The following MKRN1 variants were observed in gnomAD, a reference collection of about 807,000 sequenced individuals.
MKRN1 encodes the protein E3 ubiquitin-protein ligase makorin-1.
A neutral mutation model predicts 55.5 loss-of-function variants in MKRN1; 9 were observed. The ratio of observed to expected loss-of-function variants is 0.16; its 90% CI spans 0.10 to 0.28. The LOEUF is 0.28. MKRN1 is among the 10% of genes least tolerant of loss of function. MKRN1 has a pLI of 1.00. For synonymous variants in MKRN1, 253 were observed against 235.9 expected, an observed-to-expected ratio of 1.07 and a Z score of -0.66; for missense variants, 488 against 626.7, an observed-to-expected ratio of 0.78 and a Z score of 2.36.
Position 140,479,140 on chromosome 7 carries a change from T to C in MKRN1, c.185+20A>G, listed in dbSNP as rs1210440558. 11 of 1,313,658 alleles carry C rather than the reference T, an allele frequency of 8.4e-6. No homozygotes were observed. The African/African-American group carries it at 1.4e-4, about 17-fold the overall frequency. 81.4% of individuals were successfully genotyped at this position (1,313,658 alleles called of 1,614,324 possible). On this transcript the variant is annotated intron_variant, in intron 1 of 7. Transcript: ENST00000255977. ...GCGGCCCCCTCCCCGCGCCCGGCGC[T>C]CCGCCGCGCAACGTCCTACCTGCAG... is the stretch of plus-strand genomic sequence containing the variant.
chr7:140,469,195 G>T (rs866926219), intron 2 of MKRN1, among the ~76,000 whole-genome samples: 1 of 151,530 alleles, frequency 6.6e-6, no homozygotes, highest in Admixed American at 6.6e-5. Flanking sequence ...GCGTGGTGGC[G>T]GGCGCCTGTA....
intron 2 of MKRN1, among the ~76,000 whole-genome samples, chr7:140,469,781 G>C (rs939047482): frequency 6.6e-6 from 1 of 151,760 alleles, no homozygotes; most frequent in Non-Finnish European, 1.5e-5. Flanking sequence ...GGTGTGGGCC[G>C]GGCGCGGTGG....
chr7:140,462,132 A>C (rs1298529345), intron 2 of MKRN1, among the ~76,000 whole-genome samples: 1 of 152,148 alleles, frequency 6.6e-6, no homozygotes, highest in Non-Finnish European at 1.5e-5. Flanking sequence ...GGCTCAAGCA[A>C]TCCGTCTGCC....
In MKRN1 at chr7:140,458,434, C is replaced by T. The variant is rs182872507; in HGVS notation, c.771+573G>A. 1.0e-3 allele frequency among the ~76,000 whole-genome samples: 155 copies of T among 152,294 alleles called. 1 individual carries two copies. The highest frequency in any genetic ancestry group is 3.3e-3 in the African/African-American group (139 of 41,572). ...GGACCACATTACAGGATTCCATTTA[C>T]ATGAAATGTCCACAATAGGCCAATC... On this transcript the variant is annotated intron_variant, in intron 4 of 7. Coordinates refer to ENST00000255977, the MANE Select transcript of MKRN1 (RefSeq NM_013446.4).
intron 2 of MKRN1, among the ~76,000 whole-genome samples, chr7:140,470,901 A>G (rs535227442): frequency 6.6e-6 from 1 of 152,242 alleles, no homozygotes; most frequent in Non-Finnish European, 1.5e-5. Context: ...TGGGCAACAG[A>G]GGGACAAGAC....
Position 140,454,664 on chromosome 7 carries a change from G to A in MKRN1, c.1302C>T (p.Asn434=), listed in dbSNP as rs147839699. 3.8e-5 allele frequency: 62 copies of A among 1,613,932 alleles called. No homozygotes were observed. In the African/African-American group the frequency reaches 4.5e-4, roughly 12 times the overall value. Reference sequence around the variant, plus strand: ...CAAAGGTGACAACCTCTTCTTCATCGTTGTCAAAGGGGTTGCTGTTCTCTC... The same window carrying A: ...CAAAGGTGACAACCTCTTCTTCATCATTGTCAAAGGGGTTGCTGTTCTCTC... ...EERENSNPFD[N]DEEEVVTFEL... is the part of the protein sequence containing the mutation. The change falls in exon 8 of 8, where the codon AAC becomes AAT. Residue 434 remains asparagine (N), a synonymous_variant. Transcript: ENST00000255977.
At chr7:140,465,804 G>A (rs543116880) in intron 2 of MKRN1, among the ~76,000 whole-genome samples, 33 of 152,212 alleles carry the variant, frequency 2.2e-4, no homozygotes, top group East Asian at 5.8e-4. Flanking sequence ...GTAGGTGGCC[G>A]GGTGTGGTGG....
chr7:140,454,402 A>G lies in MKRN1; in HGVS notation c.*115T>C. The G allele has an allele frequency of 1.0e-6, 1 of 982,454 alleles. No homozygotes were observed. The highest frequency in any genetic ancestry group is 1.6e-6 in the Non-Finnish European group (1 of 642,456). The allele number at this position is 982,454 out of a possible 1,614,324, so 60.9% of individuals were successfully genotyped here. On this transcript the variant is annotated 3_prime_UTR_variant, in exon 8 of 8. Coordinates refer to ENST00000255977, the MANE Select transcript of MKRN1 (RefSeq NM_013446.4). The stretch of plus-strand genomic sequence containing the variant: ...CAGGCCCTGGGTAAAAATTCTTAGG[A>G]CAGCACCTGGAGTTGAGAGGCCTGC...
chr7:140,459,334 GAAATACCA>G, intron 3 of MKRN1, 101 bp from the exon 4 acceptor site: 3 of 1,165,930 alleles, frequency 2.6e-6, no homozygotes, highest in Non-Finnish European at 1.2e-6. Flanking sequence ...AAACTGCAAT[GAAATACCA>G]AAACAGTCTA....
At chr7:140,462,822 C>T (rs1430872941) in intron 2 of MKRN1, among the ~76,000 whole-genome samples, 1 of 151,984 alleles carries the variant, frequency 6.6e-6, no homozygotes, top group African/African-American at 2.4e-5. Flanking sequence ...AAAAATTAGC[C>T]GGGTGTGGTG....
At chr7:140,477,864 T>C (rs1220648116) in intron 1 of MKRN1, among the ~76,000 whole-genome samples, 8 of 152,252 alleles carry the variant, frequency 5.3e-5, no homozygotes, top group Non-Finnish European at 1.0e-4. Context: ...ATTTGCTCCA[T>C]GAGTAGAAAC....
chr7:140,475,241 G>T, intron 1 of MKRN1: 1 of 430,562 alleles, frequency 2.3e-6, no homozygotes, highest in Non-Finnish European at 4.7e-6. Flanking sequence ...TTCTCGGAAG[G>T]CTGAGGCACC....
intron 2 of MKRN1, among the ~76,000 whole-genome samples, chr7:140,465,847 C>A (rs550288356): frequency 1.3e-5 from 2 of 151,704 alleles, no homozygotes; most frequent in Non-Finnish European, 2.9e-5. Context: ...TTTGGGAGGC[C>A]GAGGTGGGCG....
intron 2 of MKRN1, among the ~76,000 whole-genome samples, chr7:140,466,300 T>C (rs1794763547): frequency 6.6e-6 from 1 of 152,204 alleles, no homozygotes; most frequent in Admixed American, 6.6e-5. Context: ...CTAAGAGATC[T>C]AAACCCAGCT....
At chr7:140,465,994 T>A (rs933099578) in intron 2 of MKRN1, among the ~76,000 whole-genome samples, 1 of 151,998 alleles carries the variant, frequency 6.6e-6, no homozygotes, top group Admixed American at 6.6e-5. Context: ...GGCACCGGAA[T>A]CGCTTGAACC....
At chr7:140,463,391 G>A (rs531774353) in intron 2 of MKRN1, among the ~76,000 whole-genome samples, 5 of 152,276 alleles carry the variant, frequency 3.3e-5, no homozygotes, top group Non-Finnish European at 5.9e-5. Context: ...GCCAACCACT[G>A]CCCACATCTA....
chr7:140,456,362 A>T (rs1302944282), intron 5 of MKRN1: 1 of 1,279,880 alleles, frequency 7.8e-7, no homozygotes, highest in East Asian at 3.9e-5. Context: ...GAGCTAGATC[A>T]GTTTGTTCAC....
Position 140,471,553 on chromosome 7 carries a change from TC to T in MKRN1, c.314+329del, listed in dbSNP as rs569336280. Among the ~76,000 whole-genome samples, 16 of 152,192 alleles carry T rather than the reference TC, an allele frequency of 1.1e-4. No homozygotes were observed. The East Asian group carries it at 2.9e-3, about 28-fold the overall frequency. ...GGCGGGCTCTTGGCTCAGTGCAACA[TC>T]CACCTCCCGGGTTCATGCAATTCTC... is the stretch of plus-strand genomic sequence containing the variant. On this transcript the variant is annotated intron_variant, in intron 2 of 7. Transcript: ENST00000255977.
In MKRN1 at chr7:140,459,865, G is replaced by A. The variant is rs1335984362; in HGVS notation, c.386C>T (p.Ala129Val). 1 of 1,613,980 alleles carries A rather than the reference G, an allele frequency of 6.2e-7. No individual in the cohort carries two copies. Among genetic ancestry groups the A allele is most frequent in the East Asian group, 2.2e-5 (1 of 44,890 alleles). The stretch of plus-strand genomic sequence containing the variant: ...TATCGATGAGAGACTTGAGGAAGCA[G>A]CAAGGGATGACTTTGTAGTTAGCTC... ...ATELTTKSSLAASSSLSSIVG... is the reference protein window; with the variant it reads ...ATELTTKSSLVASSSLSSIVG... The change falls in exon 3 of 8, where the codon GCT (alanine) becomes GTT (valine). Residue 129 changes from alanine (A) to valine (V), a missense_variant. Physicochemically the swap from Ala to Val is moderately conservative, Grantham distance 64 (BLOSUM62 0). This residue lies in a region of MKRN1 where 210 missense variants were observed against 220.0 expected (regional missense o/e 0.95). Coordinates refer to ENST00000255977, the MANE Select transcript of MKRN1 (RefSeq NM_013446.4).
Sources: allele counts gnomAD v4.1 joint callset (sites outside exome capture counted in the v4.1 genomes callset), GRCh38; gene constraint gnomAD v4.1.1; regional missense constraint gnomAD v4.1.1; transcripts MANE v1.5; gene names NCBI Gene and HGNC (gene_info 2026-07-23, HGNC 2026-07-21).